Variants in RCHY1 observed in about 807,000 individuals in gnomAD.
RCHY1 encodes RING finger and CHY zinc finger domain-containing protein 1.
Under a neutral mutation model 41.6 loss-of-function variants are expected in RCHY1, and 21 were observed. The ratio of observed to expected loss-of-function variants is 0.51; its 90% CI spans 0.36 to 0.73. The LOEUF (loss-of-function observed/expected upper bound fraction) is 0.73, where lower values mean the gene tolerates loss of function less well. RCHY1 is among the 30% of genes least tolerant of loss of function. The probability of loss-of-function intolerance (pLI) is 0.00; values close to 1 mark genes in which losing one functional copy is unlikely to be tolerated. For missense variants in RCHY1, 265 were observed against 325.3 expected (o/e 0.81, Z 1.43); for synonymous variants, 79 against 102.9 (o/e 0.77, Z 1.41).
intron 3 of RCHY1, among the ~76,000 whole-genome samples, chr4:75,505,313 T>A (rs923096287): frequency 1.3e-5 from 2 of 152,122 alleles, no homozygotes; most frequent in African/African-American, 4.8e-5. Flanking sequence ...TGCACCAGAA[T>A]CCGCACCCCA....
intron 8 of RCHY1, among the ~76,000 whole-genome samples, chr4:75,487,435 C>CTATA (rs1322227241): frequency 7.2e-6 from 1 of 138,254 alleles, no homozygotes; most frequent in Non-Finnish European, 1.5e-5. Context: ...ATATAAATGA[C>CTATA]TATATATAAA....
At chr4:75,502,677 A>C (rs1008882039) in intron 3 of RCHY1, among the ~76,000 whole-genome samples, 1 of 152,210 alleles carries the variant, frequency 6.6e-6, no homozygotes, top group Admixed American at 6.5e-5. Context: ...ATGGAATCTT[A>C]ATCTTATTTT....
intron 3 of RCHY1, among the ~76,000 whole-genome samples, chr4:75,494,970 A>G (rs1029535825): frequency 3.9e-5 from 6 of 151,930 alleles, no homozygotes; most frequent in Admixed American, 3.3e-4. Flanking sequence ...GTCTGTTCAT[A>G]TGTTCTGTCC....
At chr4:75,492,003 T>C in intron 4 of RCHY1, 70 bp from the exon 5 acceptor site, 2 of 1,197,102 alleles carry the variant, frequency 1.7e-6, no homozygotes, top group Non-Finnish European at 2.3e-6. Context: ...AAAATATTAA[T>C]AATAAAAATT....
intron 3 of RCHY1, 71 bp downstream of exon 3, chr4:75,508,747 TAA>T: frequency 1.2e-6 from 1 of 801,192 alleles, no homozygotes; most frequent in Admixed American, 2.9e-5. Context: ...TACACCTTAA[TAA>T]AGTTGATTTT....
chr4:75,479,146 T>A lies in RCHY1; in HGVS notation c.*3392A>T, dbSNP rs1020414358. On this transcript the variant is annotated 3_prime_UTR_variant, in exon 9 of 9. Coordinates refer to ENST00000324439, the MANE Select transcript of RCHY1 (RefSeq NM_015436.4). ...AAGAGTAGATTTTAAGTGGTTTTTT[T>A]ACCACAAAAAATGGTATGAGGCAAT... 1 of 152,122 alleles carries A rather than the reference T, an allele frequency of 6.6e-6. No homozygotes were observed. Among genetic ancestry groups the A allele is most frequent in the Non-Finnish European group, 1.5e-5 (1 of 67,990 alleles). 9.4% of individuals were successfully genotyped at this position (152,122 alleles called of 1,614,324 possible).
intron 1 of RCHY1, among the ~76,000 whole-genome samples, chr4:75,512,372 T>C (rs1176733889): frequency 6.6e-6 from 1 of 152,146 alleles, no homozygotes; most frequent in Non-Finnish European, 1.5e-5. Context: ...ATCCTCCTAT[T>C]ATCTCTATTA....
intron 8 of RCHY1, among the ~76,000 whole-genome samples, chr4:75,486,411 A>C (rs1722007980): frequency 6.6e-6 from 1 of 152,018 alleles, no homozygotes. Flanking sequence ...AAGTTTATAT[A>C]CTTTGGCATC....
intron 8 of RCHY1, among the ~76,000 whole-genome samples, chr4:75,483,307 C>T (rs1373961950): frequency 6.6e-6 from 1 of 152,050 alleles, no homozygotes; most frequent in African/African-American, 2.4e-5. Flanking sequence ...GCAAGAAAAG[C>T]ACTAGTTTTT....
intron 3 of RCHY1, among the ~76,000 whole-genome samples, chr4:75,503,631 G>A (rs1049133536): frequency 2.6e-5 from 4 of 152,018 alleles, no homozygotes; most frequent in African/African-American, 9.7e-5. Flanking sequence ...GGCAGAGGTT[G>A]CAGTGAGCCG....
At chr4:75,505,695 G>A (rs1241234757) in intron 3 of RCHY1, among the ~76,000 whole-genome samples, 1 of 152,052 alleles carries the variant, frequency 6.6e-6, no homozygotes, top group Non-Finnish European at 1.5e-5. Flanking sequence ...CTTCCACAAT[G>A]ACGAAATAGC....
intron 3 of RCHY1, among the ~76,000 whole-genome samples, chr4:75,497,727 G>T (rs980252840): frequency 9.2e-5 from 14 of 152,070 alleles, no homozygotes; most frequent in Admixed American, 3.9e-4. Flanking sequence ...AAAAACATCT[G>T]AAATAGTAAT....
At chr4:75,500,900 TAC>T (rs1381798947) in intron 3 of RCHY1, among the ~76,000 whole-genome samples, 1 of 152,208 alleles carries the variant, frequency 6.6e-6, no homozygotes, top group Non-Finnish European at 1.5e-5. Context: ...CAGGAATTAA[TAC>T]ATTCAAATAA....
rs531300113 is a variant in RCHY1, at chr4:75,506,641, A to G, written c.326+2179T>C. 5.3e-3 allele frequency among the ~76,000 whole-genome samples: 655 copies of G among 124,704 alleles called. 3 individuals carry two copies. The highest frequency in any genetic ancestry group is 6.3e-3 in the Non-Finnish European group (385 of 61,496). 81.8% of individuals were successfully genotyped at this position (124,704 alleles called of 152,430 possible). A position where few individuals can be genotyped will look rare whatever the true frequency, so the allele number is the denominator to read the frequency against. ...AAAATCAAAGTAGGAGAAATACAGG[A>G]AAAAAAAAAAGAGACATGGGATGTA... On this transcript the variant is annotated intron_variant, in intron 3 of 8. Coordinates refer to ENST00000324439, the MANE Select transcript of RCHY1 (RefSeq NM_015436.4).
chr4:75,500,284 C>A (rs1263348750), intron 3 of RCHY1, among the ~76,000 whole-genome samples: 1 of 152,150 alleles, frequency 6.6e-6, no homozygotes, highest in African/African-American at 2.4e-5. Flanking sequence ...ACACAGCAAC[C>A]ACTTCTGCTA....
At chr4:75,493,461 GTCTC>G (rs567645146) in intron 4 of RCHY1, among the ~76,000 whole-genome samples, 9 of 151,186 alleles carry the variant, frequency 6.0e-5, no homozygotes, top group Non-Finnish European at 1.2e-4. Context: ...ATGTCTATCT[GTCTC>G]TCTCTCTCTC....
At position 75,494,276 on chromosome 4, in the gene RCHY1, A is replaced by G. The variant is rs184792738; in HGVS notation, c.327-97T>C. 39 of 831,890 alleles carry G rather than the reference A, an allele frequency of 4.7e-5. No homozygotes were observed. In the East Asian group the frequency reaches 1.1e-3, roughly 23 times the overall value. The allele number at this position is 831,890 out of a possible 1,614,324, so 51.5% of individuals were successfully genotyped here. On this transcript the variant is annotated intron_variant, in intron 3 of 8. Coordinates refer to ENST00000324439, the MANE Select transcript of RCHY1 (RefSeq NM_015436.4). Reference sequence around the variant, plus strand: ...ACACAAGTTTAGTCTCTGTAAAAAAAATTTCCAGCCACAATGGAGAATATG... The same window carrying G: ...ACACAAGTTTAGTCTCTGTAAAAAAGATTTCCAGCCACAATGGAGAATATG...
rs1203547017 is a variant in RCHY1, at chr4:75,479,252, C to T, written c.*3286G>A. On this transcript the variant is annotated 3_prime_UTR_variant, in exon 9 of 9. Transcript: ENST00000324439. ...CATTGTACTCCATATATATAATATA[C>T]ACAATTATCAATTAAATTTTAATAA... is the stretch of plus-strand genomic sequence containing the variant. 1 of 149,694 alleles carries T rather than the reference C, an allele frequency of 6.7e-6. No individual in the cohort carries two copies. The highest frequency in any genetic ancestry group is 2.1e-4 in the South Asian group (1 of 4,746). 9.3% of individuals were successfully genotyped at this position (149,694 alleles called of 1,614,324 possible).
At chr4:75,506,900 C>T (rs1291494732) in intron 3 of RCHY1, among the ~76,000 whole-genome samples, 1 of 152,042 alleles carries the variant, frequency 6.6e-6, no homozygotes, top group Non-Finnish European at 1.5e-5. Context: ...GGATAAAAGA[C>T]ATTTTAACTT....
Sources: allele counts gnomAD v4.1 joint callset (sites outside exome capture counted in the v4.1 genomes callset), GRCh38; gene constraint gnomAD v4.1.1; transcripts MANE v1.5; gene names NCBI Gene and HGNC (gene_info 2026-07-23, HGNC 2026-07-21).